PDK1: variants seen among roughly 807,000 people sequenced by gnomAD.
PDK1 encodes pyruvate dehydrogenase kinase 1.
A neutral mutation model predicts 54.2 loss-of-function variants in PDK1; 39 were observed. The observed-to-expected ratio is 0.72, with a 90% CI of 0.56 to 0.94. PDK1 has a LOEUF of 0.94. Among genes scored for constraint, PDK1 ranks in the 40% least tolerant of loss-of-function variants. The probability of loss-of-function intolerance (pLI) is 0.00; values close to 1 mark genes in which losing one functional copy is unlikely to be tolerated. For synonymous variants in PDK1, 221 were observed against 207.1 expected (o/e 1.07, Z -0.58); for missense variants, 552 against 566.0 (o/e 0.98, Z 0.25).
chr2:172,559,042 G>A (rs748296440), intron 2 of PDK1, among the ~76,000 whole-genome samples, 193 bp downstream of exon 2: 2 of 152,150 alleles, frequency 1.3e-5, no homozygotes, highest in Non-Finnish European at 2.9e-5. Context: ...TCCGCCTCCC[G>A]GGTTCAGGCG....
chr2:172,614,388 G>A, the PDK1 span, among the ~76,000 whole-genome samples: 1 of 152,184 alleles, frequency 6.6e-6, no homozygotes, highest in Non-Finnish European at 1.5e-5. Context: ...CAATCAGCAT[G>A]TACTTCCTCC....
chr2:172,645,260 CTTTT>C, the PDK1 span, among the ~76,000 whole-genome samples: 241 of 51,150 alleles, frequency 4.7e-3, 8 homozygotes, highest in Middle Eastern at 0.022. Flanking sequence ...ACAAAATAGG[CTTTT>C]TTTTTTTTTT....
the PDK1 span, among the ~76,000 whole-genome samples, chr2:172,698,553 G>A: frequency 6.6e-6 from 1 of 152,190 alleles, no homozygotes; most frequent in African/African-American, 2.4e-5. Context: ...TAAGCCTAAT[G>A]GTTGGAACTT....
chr2:172,570,857 T>C (rs898953804), intron 8 of PDK1, 33 bp downstream of exon 8: 13 of 1,299,436 alleles, frequency 1.0e-5, no homozygotes, highest in African/African-American at 1.5e-5. Context: ...TTTCTTTTTT[T>C]TTTTTTTGTA....
chr2:172,619,263 C>G, the PDK1 span, among the ~76,000 whole-genome samples: 1 of 152,270 alleles, frequency 6.6e-6, no homozygotes, highest in African/African-American at 2.4e-5. Flanking sequence ...AGAAAACCCT[C>G]AAGCCTTGCC....
In PDK1 at chr2:172,558,710, T is replaced by C; in HGVS notation, c.199T>C (p.Ser67Pro). The C allele has an allele frequency of 6.3e-7, 1 of 1,599,962 alleles. No homozygotes were observed. The highest frequency in any genetic ancestry group is 1.4e-5 in the African/African-American group (1 of 73,864). Reference protein sequence around the residue: ...LSMKQFLDFGSVNACEKTSFM... With the variant: ...LSMKQFLDFGPVNACEKTSFM... ...TTACCCATCATGTTTGGTTTCAGGATCAGTGAATGCTTGTGAAAAGACCTC... is the reference window on the plus strand; with the variant it reads ...TTACCCATCATGTTTGGTTTCAGGACCAGTGAATGCTTGTGAAAAGACCTC... Residue 67 changes from serine to proline, a missense_variant and splice_region_variant, in exon 2 of 11, where the codon TCA becomes CCA. By Grantham distance (74) the Ser-to-Pro change is moderately conservative. Coordinates refer to ENST00000282077, the MANE Select transcript of PDK1 (RefSeq NM_002610.5).
the PDK1 span, among the ~76,000 whole-genome samples, chr2:172,629,497 G>T: frequency 2.6e-5 from 4 of 152,196 alleles, 1 homozygote; most frequent in South Asian, 4.1e-4. Context: ...GGGGAAGACC[G>T]AACTCCAGGG....
At chr2:172,621,543 ATT>A in the PDK1 span, among the ~76,000 whole-genome samples, 1 of 146,410 alleles carries the variant, frequency 6.8e-6, no homozygotes, top group East Asian at 2.0e-4. Context: ...TTATATATAT[ATT>A]ATATATATAT....
At chr2:172,585,989 C>T (rs1040052900) in intron 8 of PDK1, among the ~76,000 whole-genome samples, 4 of 151,998 alleles carry the variant, frequency 2.6e-5, no homozygotes, top group Non-Finnish European at 1.5e-5. Flanking sequence ...CATGGTGAAA[C>T]CCTGCCTCTA....
At chr2:172,712,991 C>T in the PDK1 span, among the ~76,000 whole-genome samples, 1 of 152,330 alleles carries the variant, frequency 6.6e-6, no homozygotes, top group South Asian at 2.1e-4. Flanking sequence ...GTCCGAATGT[C>T]TCTGTAGCCA....
At chr2:172,712,769 G>A in the PDK1 span, among the ~76,000 whole-genome samples, 6 of 152,216 alleles carry the variant, frequency 3.9e-5, no homozygotes, top group African/African-American at 1.4e-4. Context: ...CCCACAATGT[G>A]GCAAGCAGGG....
Position 172,607,668 on chromosome 2 carries a change from T to TCA in PDK1, c.*11700_*11701dup, listed in dbSNP as rs2149326070. On this transcript the variant is annotated 3_prime_UTR_variant, in exon 11 of 11. Transcript: ENST00000282077. ...GTACTAGGAAGGAGGTTGGCCAAAC[T>TCA]CAGAGTGGAGGCTGACCCTGTATCT... The TCA allele has an allele frequency of 6.6e-6, 1 of 152,304 alleles. No individual in the cohort carries two copies. The highest frequency in any genetic ancestry group is 1.9e-4 in the East Asian group (1 of 5,176). 9.4% of individuals were successfully genotyped at this position (152,304 alleles called of 1,614,324 possible).
rs1210962455 is a variant in PDK1, at chr2:172,599,786, A to G, written c.*3817A>G. 2 of 152,212 alleles carry G rather than the reference A, an allele frequency of 1.3e-5. No individual in the cohort carries two copies. The highest frequency in any genetic ancestry group is 1.3e-4 in the Admixed American group (2 of 15,278). 9.4% of individuals were successfully genotyped at this position (152,212 alleles called of 1,614,324 possible). ...CACAGTTCTTTAGCAATTGCTAACC[A>G]TAGGTTTTTAATAGCAAAAGACAAG... is the stretch of plus-strand genomic sequence containing the variant. On this transcript the variant is annotated 3_prime_UTR_variant, in exon 11 of 11. Transcript: ENST00000282077.
the PDK1 span, among the ~76,000 whole-genome samples, chr2:172,667,735 A>G: frequency 6.6e-6 from 1 of 152,338 alleles, no homozygotes; most frequent in South Asian, 2.1e-4. Context: ...CTAAGTACAC[A>G]TATTACAATT....
the PDK1 span, among the ~76,000 whole-genome samples, chr2:172,685,960 C>T: frequency 7.2e-5 from 11 of 152,218 alleles, no homozygotes; most frequent in African/African-American, 2.7e-4. Flanking sequence ...ACATCCTATG[C>T]TCCTGAGAAA....
the PDK1 span, among the ~76,000 whole-genome samples, chr2:172,660,076 T>C: frequency 6.6e-6 from 1 of 151,424 alleles, no homozygotes; most frequent in Non-Finnish European, 1.5e-5. Context: ...CCAGAGAAAA[T>C]AGAGAAAGGT....
At chr2:172,562,872 A>G (rs139958253) in intron 3 of PDK1, 1 of 1,411,756 alleles carries the variant, frequency 7.1e-7, no homozygotes. Flanking sequence ...TTATGCAGCT[A>G]CCTGCTTATT....
rs1417801629 is a variant in PDK1 at position 172,556,189 on chromosome 2, C to T, written c.39C>T (p.Ala13=). Residue 13 remains alanine (A), a synonymous_variant, in exon 1 of 11, where the codon GCC becomes GCT. Coordinates refer to ENST00000282077, the MANE Select transcript of PDK1 (RefSeq NM_002610.5). ...GGCTGCTTCGCGGAGCCGCCTTGGC[C>T]GGCCCGGGCCCGGGGCTGCGCGCCG... ...LARLLRGAAL[A]GPGPGLRAAG... The T allele has an allele frequency of 2.8e-6, 4 of 1,418,674 alleles. No homozygotes were observed. The highest frequency in any genetic ancestry group is 2.7e-6 in the Non-Finnish European group (3 of 1,093,414). 87.9% of individuals were successfully genotyped at this position (1,418,674 alleles called of 1,614,324 possible).
chr2:172,660,245 CTCTTTTTTTTTTTTTT>C, the PDK1 span, among the ~76,000 whole-genome samples: 1 of 55,630 alleles, frequency 1.8e-5, no homozygotes, highest in African/African-American at 6.8e-5. Flanking sequence ...CTCTCTCTCT[CTCTTTTTTTTTTTTTT>C]TTTTTTTTTT....
Sources: allele counts gnomAD v4.1 joint callset (sites outside exome capture counted in the v4.1 genomes callset), GRCh38; gene constraint gnomAD v4.1.1; transcripts MANE v1.5; gene names NCBI Gene and HGNC (gene_info 2026-07-23, HGNC 2026-07-21).